The following ADAM9 variants were observed in gnomAD, a reference collection of about 807,000 sequenced individuals.
ADAM9 encodes disintegrin and metalloproteinase domain-containing protein 9.
A neutral mutation model predicts 108.1 loss-of-function variants in ADAM9; 54 were observed. That is an observed-to-expected ratio of 0.50 (90% CI 0.40 to 0.63). The LOEUF (loss-of-function observed/expected upper bound fraction) is 0.63. Ranked by LOEUF, ADAM9 falls within the 20% of genes least tolerant of loss-of-function variation. The pLI, the probability that ADAM9 is intolerant of heterozygous loss-of-function variation, is 0.00. For synonymous variants in ADAM9, 316 were observed against 336.0 expected (o/e 0.94, Z 0.65); for missense variants, 830 against 997.7 (o/e 0.83, Z 2.26).
At chr8:39,063,091 C>A (rs1838348488) in intron 14 of ADAM9, among the ~76,000 whole-genome samples, 2 of 152,216 alleles carry the variant, frequency 1.3e-5, no homozygotes, top group South Asian at 4.1e-4. Flanking sequence ...CATCCCAATC[C>A]AACTTTATGT....
At chr8:39,035,727 G>T (rs1837250302) in intron 11 of ADAM9, among the ~76,000 whole-genome samples, 1 of 152,142 alleles carries the variant, frequency 6.6e-6, no homozygotes, top group Non-Finnish European at 1.5e-5. Flanking sequence ...TGAGGCAGGC[G>T]AATGGCATGA....
rs955346567 is a variant in ADAM9 at position 39,058,671 on chromosome 8, A to G, written c.1591+2899A>G. 6.6e-5 allele frequency among the ~76,000 whole-genome samples: 10 copies of G among 152,190 alleles called. 1 individual carries two copies. The South Asian group carries it at 1.7e-3, about 25-fold the overall frequency. ...GTTGACTTGGAGGTATGAGGAGCCA[A>G]TGTGGCTGGGCCTCTGGCTTAATTT... On this transcript the variant is annotated intron_variant, in intron 14 of 21. Transcript: ENST00000487273.
chr8:39,045,396 A>G (rs1270409248), intron 12 of ADAM9, among the ~76,000 whole-genome samples: 3 of 145,314 alleles, frequency 2.1e-5, no homozygotes, highest in Non-Finnish European at 4.5e-5. Flanking sequence ...GTGTGTGTAC[A>G]CACACCTATA....
intron 14 of ADAM9, among the ~76,000 whole-genome samples, chr8:39,059,131 T>C (rs1335591946): frequency 6.6e-6 from 1 of 152,212 alleles, no homozygotes; most frequent in Non-Finnish European, 1.5e-5. Context: ...GTGAATTCTT[T>C]GGTTTGAAGC....
intron 8 of ADAM9, among the ~76,000 whole-genome samples, chr8:39,022,443 A>G (rs903025527): frequency 2.0e-5 from 3 of 152,184 alleles, no homozygotes; most frequent in Non-Finnish European, 4.4e-5. Context: ...TGTATTATAT[A>G]ACACCTTCGA....
intron 11 of ADAM9, among the ~76,000 whole-genome samples, chr8:39,039,429 C>G (rs1837387922): frequency 1.3e-5 from 2 of 152,182 alleles, no homozygotes; most frequent in African/African-American, 4.8e-5. Context: ...CCTATAATCT[C>G]TTTTAGCAAA....
intron 3 of ADAM9, among the ~76,000 whole-genome samples, chr8:39,012,130 A>C (rs1405654628): frequency 6.6e-6 from 1 of 152,224 alleles, no homozygotes; most frequent in Non-Finnish European, 1.5e-5. Context: ...GCAGGCAGTC[A>C]TCAAGGCATG....
chr8:39,065,226 A>T (rs2129440391), intron 14 of ADAM9, among the ~76,000 whole-genome samples: 11 of 130,218 alleles, frequency 8.4e-5, no homozygotes, highest in African/African-American at 2.6e-4. Context: ...TTTTTTTTTG[A>T]CCTACTTTCT....
rs558579221 is a variant in ADAM9 at position 39,036,473 on chromosome 8, AT to A, written c.1131-5462del. On this transcript the variant is annotated intron_variant, in intron 11 of 21. Transcript: ENST00000487273. Reference sequence around the variant, plus strand: ...AAATATGTTTTGAATGATAGTTGAAATTTTTTTTTTTGTCATTTCCATGTAA... The same window carrying A: ...AAATATGTTTTGAATGATAGTTGAAATTTTTTTTTTGTCATTTCCATGTAA... 2.1e-3 allele frequency among the ~76,000 whole-genome samples: 313 copies of A among 148,094 alleles called. 2 individuals are homozygous for A. Among genetic ancestry groups the A allele is most frequent in the South Asian group, 9.6e-3 (45 of 4,682 alleles).
chr8:39,074,327 A>G (rs187978479), intron 15 of ADAM9, among the ~76,000 whole-genome samples: 1 of 152,340 alleles, frequency 6.6e-6, no homozygotes, highest in Non-Finnish European at 1.5e-5. Flanking sequence ...CTTTTAGTAC[A>G]TAGACAATGT....
chr8:39,070,522 A>G (rs777141411), intron 14 of ADAM9, among the ~76,000 whole-genome samples: 13 of 152,222 alleles, frequency 8.5e-5, no homozygotes, highest in East Asian at 1.9e-4. Context: ...GAATAGCCAC[A>G]AAACATATTT....
chr8:39,080,080 CT>C (rs994444491), intron 16 of ADAM9, among the ~76,000 whole-genome samples: 1 of 152,016 alleles, frequency 6.6e-6, no homozygotes, highest in African/African-American at 2.4e-5. Flanking sequence ...TTATCTTCCT[CT>C]TGCAGTATTA....
At chr8:39,067,250 C>T (rs1838510867) in intron 14 of ADAM9, among the ~76,000 whole-genome samples, 1 of 152,102 alleles carries the variant, frequency 6.6e-6, no homozygotes, top group African/African-American at 2.4e-5. Flanking sequence ...TTTTTGGTTC[C>T]ATATGAACTT....
At chr8:39,085,009 G>C (rs1408097644) in intron 18 of ADAM9, among the ~76,000 whole-genome samples, 1 of 151,966 alleles carries the variant, frequency 6.6e-6, no homozygotes, top group Non-Finnish European at 1.5e-5. Context: ...AGCTACTCCA[G>C]ATTCCTATTA....
At chr8:39,014,421 G>C in intron 4 of ADAM9, 1 of 599,872 alleles carries the variant, frequency 1.7e-6, no homozygotes. Flanking sequence ...ATTTAGTAAA[G>C]AAAAACACTC....
At chr8:39,014,477 A>G (rs1564238477) in intron 4 of ADAM9, 1 of 676,302 alleles carries the variant, frequency 1.5e-6, no homozygotes. Flanking sequence ...TCTGAAAATA[A>G]TTGTTTCCTA....
Position 39,090,079 on chromosome 8 carries a change from G to GTCT in ADAM9, c.2110_2112dup (p.Phe704dup). ...TACTGCATTGAGGGACGGACTTCTG[G>GTCT]TCTTCTTCTTCCTAATTGTTCCCCT... On this transcript the variant is annotated inframe_insertion, in exon 19 of 22. Transcript: ENST00000487273. 1 of 1,613,800 alleles carries GTCT rather than the reference G, an allele frequency of 6.2e-7. No homozygotes were observed. Among genetic ancestry groups the GTCT allele is most frequent in the Non-Finnish European group, 8.5e-7 (1 of 1,179,902 alleles).
chr8:39,001,437 A>G (rs1835988798), intron 1 of ADAM9, among the ~76,000 whole-genome samples: 1 of 152,228 alleles, frequency 6.6e-6, no homozygotes, highest in South Asian at 2.1e-4. Context: ...GATGAATAAG[A>G]TACCGTCCTT....
Position 39,082,693 on chromosome 8 carries a change from ATGTTCAGAAAAAG to A in ADAM9, c.1938_1950del (p.Gln647MetfsTer41). The A allele has an allele frequency of 6.2e-7, 1 of 1,612,250 alleles. No individual in the cohort carries two copies. The highest frequency in any genetic ancestry group is 1.1e-5 in the South Asian group (1 of 91,034). ...GCTTCTGTTCTGAATTATGACTGTG[ATGTTCAGAAAAAG>A]TGTCATGGACATGGGGTAGGTAATG... On this transcript the variant is annotated frameshift_variant, in exon 17 of 22. Coordinates refer to ENST00000487273, the MANE Select transcript of ADAM9 (RefSeq NM_003816.3). LOFTEE classifies it high-confidence loss of function.
Sources: gnomAD v4.1 joint callset for allele counts (sites outside exome capture counted in the v4.1 genomes callset) on GRCh38, gnomAD v4.1.1 for gene constraint, MANE v1.5 for transcripts, NCBI Gene and HGNC (gene_info 2026-07-23, HGNC 2026-07-21) for gene names.